Variants in CRYBG3 observed in about 807,000 individuals in gnomAD.
CRYBG3 encodes the protein crystallin beta-gamma domain containing 3, also known as very large A-kinase anchor protein.
A neutral mutation model predicts 244.2 loss-of-function variants in CRYBG3; 127 were observed. The observed-to-expected ratio is 0.52, with a 90% CI of 0.45 to 0.60. The LOEUF (loss-of-function observed/expected upper bound fraction) is 0.60, where lower values mean the gene tolerates loss of function less well. Ranked by LOEUF, CRYBG3 falls within the 20% of genes least tolerant of loss-of-function variation. The probability of loss-of-function intolerance (pLI) is 0.00; values close to 1 mark genes in which losing one functional copy is unlikely to be tolerated. For missense variants in CRYBG3, 3,325 were observed against 3,442.5 expected, an observed-to-expected ratio of 0.97 and a Z score of 0.85; for synonymous variants, 1,132 against 1,195.8, an observed-to-expected ratio of 0.95 and a Z score of 1.10.
intron 2 of CRYBG3, among the ~76,000 whole-genome samples, chr3:97,863,310 T>C (rs1018771678): frequency 6.6e-6 from 1 of 152,158 alleles, no homozygotes; most frequent in Non-Finnish European, 1.5e-5. Flanking sequence ...TTTTAGAATC[T>C]GGAAATAGCA....
chr3:97,855,963 G>A (rs577936425), intron 2 of CRYBG3, among the ~76,000 whole-genome samples: 1 of 152,274 alleles, frequency 6.6e-6, no homozygotes, highest in East Asian at 1.9e-4. Context: ...TCAGGAGACA[G>A]GGTTTTGAGA....
intron 13 of CRYBG3, 53 bp from the exon 14 acceptor site, chr3:97,899,084 C>T (rs952802315): frequency 2.0e-5 from 32 of 1,598,584 alleles, no homozygotes; most frequent in African/African-American, 2.7e-5. Flanking sequence ...GTTGTTTGCT[C>T]AATTGTATAT....
intron 3 of CRYBG3, 69 bp from the exon 4 acceptor site, chr3:97,871,773 C>G (rs1441102057): frequency 2.7e-5 from 30 of 1,121,074 alleles, no homozygotes; most frequent in Non-Finnish European, 3.6e-5. Flanking sequence ...ACTTTTACCA[C>G]AGTTGCTGGG....
In CRYBG3 at chr3:97,876,561, A is replaced by G. The variant is rs1247615985; in HGVS notation, c.5367A>G (p.Arg1789=). Residue 1789 remains arginine (R), a synonymous_variant, in exon 4 of 22, where the codon CGA becomes CGG. Transcript: ENST00000389622. ...TGTTGAAAATGGAAGCTACTTACCG[A>G]AAGACTGCTGAAGAGGTCATTAAGA... ...GSVLKMEATY[R]KTAEEVIKNT... 1 of 1,232,282 alleles carries G rather than the reference A, an allele frequency of 8.1e-7. No individual in the cohort carries two copies. Among genetic ancestry groups the G allele is most frequent in the Non-Finnish European group, 1.0e-6 (1 of 988,060 alleles). The allele number at this position is 1,232,282 out of a possible 1,614,324, so 76.3% of individuals were successfully genotyped here.
At chr3:97,842,721 A>G (rs908106998) in intron 1 of CRYBG3, among the ~76,000 whole-genome samples, 1 of 152,152 alleles carries the variant, frequency 6.6e-6, no homozygotes, top group African/African-American at 2.4e-5. Context: ...ATAAACCTAC[A>G]TCTATTTTTG....
chr3:97,931,258 A>G (rs1020648201), intron 17 of CRYBG3, among the ~76,000 whole-genome samples: 3 of 152,100 alleles, frequency 2.0e-5, no homozygotes, highest in African/African-American at 7.2e-5. Context: ...CTGATTATCA[A>G]ACCCAAACAG....
chr3:97,931,971 A>G (rs75847636), intron 17 of CRYBG3, among the ~76,000 whole-genome samples: 1,946 of 152,110 alleles, frequency 0.013, 43 homozygotes, highest in African/African-American at 0.045. Context: ...ACATATACAC[A>G]ATGCCAACGT....
In CRYBG3 at chr3:97,912,274, T is replaced by C. The variant is rs751042127; in HGVS notation, c.8112T>C (p.Gly2704=). The change falls in exon 16 of 22, where the codon GGT becomes GGC. Residue 2704 remains glycine (G), a splice_region_variant and synonymous_variant. Coordinates refer to ENST00000389622, the MANE Select transcript of CRYBG3 (RefSeq NM_153605.4). ...CATGTTCTTTTAAAGTTCTTCGAGG[T>C]TGGTAAGTATGCTTACTTAGTGGTT... ...LMPCSFKVLR[G]CWLLYYQEDM... 51 of 1,530,404 alleles carry C rather than the reference T, an allele frequency of 3.3e-5. No individual in the cohort carries two copies. In the Admixed American group the frequency reaches 5.6e-4, roughly 17 times the overall value. The allele number at this position is 1,530,404 out of a possible 1,614,324, so 94.8% of individuals were successfully genotyped here.
At chr3:97,885,242 A>G (rs146760038) in intron 7 of CRYBG3, among the ~76,000 whole-genome samples, 3 of 152,302 alleles carry the variant, frequency 2.0e-5, no homozygotes, top group African/African-American at 7.2e-5. Flanking sequence ...TGAGATGTAT[A>G]AACTTGCTTG....
rs2040225581 is a variant in CRYBG3 at position 97,941,232 on chromosome 3, T to C, written c.8590T>C (p.Ser2864Pro). ...AAGTCTAGCAGACACCAGGGCAACA[T>C]CTGTGTGCATTTCTCCCTATAGTGG... Reference protein sequence around the residue: ...TGSLADTRATSVCISPYSGKN... With the variant: ...TGSLADTRATPVCISPYSGKN... Residue 2864 changes from serine (S) to proline (P), a missense_variant, in exon 20 of 22, where the codon TCT becomes CCT. By Grantham distance (74) the Ser-to-Pro change is moderately conservative. Coordinates refer to ENST00000389622, the MANE Select transcript of CRYBG3 (RefSeq NM_153605.4). The C allele has an allele frequency of 6.2e-7, 1 of 1,611,182 alleles. No homozygotes were observed. Among genetic ancestry groups the C allele is most frequent in the Non-Finnish European group, 8.5e-7 (1 of 1,177,822 alleles).
intron 19 of CRYBG3, among the ~76,000 whole-genome samples, chr3:97,940,661 A>G (rs555221827): frequency 1.3e-4 from 20 of 152,164 alleles, no homozygotes; most frequent in South Asian, 4.1e-4. Context: ...ATATAAACAA[A>G]TAATCACAGC....
intron 17 of CRYBG3, among the ~76,000 whole-genome samples, chr3:97,929,645 T>C (rs1241193679): frequency 6.6e-6 from 1 of 152,028 alleles, no homozygotes; most frequent in Non-Finnish European, 1.5e-5. Context: ...TATCCTTTTG[T>C]TGTTTATGAG....
chr3:97,941,082 T>C, intron 19 of CRYBG3, 66 bp from the exon 20 acceptor site: 1 of 1,368,206 alleles, frequency 7.3e-7, no homozygotes, highest in Non-Finnish European at 1.0e-6. Flanking sequence ...CCAGCTTTCC[T>C]CCTCTGGAAG....
rs767667416 is a variant in CRYBG3 at position 97,872,452 on chromosome 3, T to C, written c.1258T>C (p.Leu420=). Reference sequence around the variant, plus strand: ...CAGCACTGTGATGAGTAATAGGACATTGGTGCAAAGAGAGGAGCTTGTTGA... The same window carrying C: ...CAGCACTGTGATGAGTAATAGGACACTGGTGCAAAGAGAGGAGCTTGTTGA... The part of the protein sequence containing the change: ...ENSTVMSNRT[L]VQREELVEPQ... The change falls in exon 4 of 22, where the codon TTG becomes CTG. Residue 420 remains leucine, a synonymous_variant. Transcript: ENST00000389622. 3.9e-6 allele frequency: 6 copies of C among 1,535,852 alleles called. No individual in the cohort carries two copies. Among genetic ancestry groups the C allele is most frequent in the East Asian group, 4.9e-5 (2 of 40,926 alleles).
chr3:97,860,660 A>T (rs1025595231), intron 2 of CRYBG3, among the ~76,000 whole-genome samples: 2 of 152,146 alleles, frequency 1.3e-5, no homozygotes, highest in African/African-American at 4.8e-5. Context: ...TTGAGCTCAC[A>T]GTGGCATTTG....
chr3:97,916,657 T>C (rs1328981292), intron 17 of CRYBG3, among the ~76,000 whole-genome samples: 5 of 152,174 alleles, frequency 3.3e-5, no homozygotes, highest in Non-Finnish European at 7.4e-5. Flanking sequence ...CAGAGCTGAC[T>C]CCAAGGATAA....
intron 17 of CRYBG3, among the ~76,000 whole-genome samples, chr3:97,929,564 G>GA (rs937559041): frequency 8.6e-5 from 13 of 151,580 alleles, no homozygotes; most frequent in African/African-American, 3.1e-4. Context: ...AAATAAAGTA[G>GA]AAAAAAATCA....
chr3:97,874,146 A>T lies in CRYBG3; in HGVS notation c.2952A>T (p.Glu984Asp), dbSNP rs1274458345. ...CTAAAAAGATTTCTGGTCACTCAGA[A>T]ATGGCGGAACTCAGCTTAACTAATA... is the stretch of plus-strand genomic sequence containing the variant. ...CGTKKISGHS[E>D]MAELSLTNIS... The change falls in exon 4 of 22, where the codon GAA becomes GAT. Residue 984 changes from glutamate to aspartate, a missense_variant. Around this residue, in one of 4 missense-constraint regions of CRYBG3, gnomAD observed 1,526 missense variants for 1,443.2 expected, o/e 1.06. Coordinates refer to ENST00000389622, the MANE Select transcript of CRYBG3 (RefSeq NM_153605.4). 6.5e-7 allele frequency: 1 copy of T among 1,533,574 alleles called. No homozygotes were observed. Among genetic ancestry groups the T allele is most frequent in the East Asian group, 2.4e-5 (1 of 40,912 alleles). The allele number at this position is 1,533,574 out of a possible 1,614,324, so 95.0% of individuals were successfully genotyped here. A position where few individuals can be genotyped will look rare whatever the true frequency, so the allele number is the denominator to read the frequency against.
chr3:97,835,642 G>A (rs929666643), intron 1 of CRYBG3, among the ~76,000 whole-genome samples: 6 of 152,058 alleles, frequency 3.9e-5, no homozygotes, highest in Non-Finnish European at 8.8e-5. Context: ...GTGTGTAAAT[G>A]TGTTTTTATA....
Sources: allele counts gnomAD v4.1 joint callset (sites outside exome capture counted in the v4.1 genomes callset), GRCh38; gene constraint gnomAD v4.1.1; regional missense constraint gnomAD v4.1.1; transcripts MANE v1.5; gene names NCBI Gene and HGNC (gene_info 2026-07-23, HGNC 2026-07-21).